Variants in EFCAB8 observed in about 807,000 individuals in gnomAD.
The protein encoded by EFCAB8 is EF-hand calcium binding domain 8.
EFCAB8 carries 100 observed loss-of-function variants against 116.3 expected under a neutral mutation model. That is an observed-to-expected ratio of 0.86 (90% CI 0.73 to 1.02). EFCAB8 has a LOEUF of 1.02. Ranked by LOEUF, EFCAB8 falls within the 50% of genes least tolerant of loss-of-function variation. The probability of loss-of-function intolerance (pLI) is 0.00; values close to 1 mark genes in which losing one functional copy is unlikely to be tolerated. For synonymous variants in EFCAB8, 558 were observed against 567.9 expected (o/e 0.98, Z 0.25); for missense variants, 1,320 against 1,416.9 (o/e 0.93, Z 1.10).
At chr20:32,917,228 TC>T in intron 17 of EFCAB8, 72 bp from the exon 18 acceptor site, 1 of 1,225,960 alleles carries the variant, frequency 8.2e-7, no homozygotes, top group Non-Finnish European at 1.2e-6. Flanking sequence ...TCCTCAAGGC[TC>T]CAGTGCTTCC....
intron 23 of EFCAB8, among the ~76,000 whole-genome samples, chr20:32,948,021 A>C (rs1266889896): frequency 6.6e-6 from 1 of 152,152 alleles, no homozygotes; most frequent in Non-Finnish European, 1.5e-5. Context: ...AGTAAAAAAT[A>C]ATAAGGAAAA....
At chr20:32,901,770 C>A (rs1267769922) in intron 11 of EFCAB8, among the ~76,000 whole-genome samples, 1 of 152,246 alleles carries the variant, frequency 6.6e-6, no homozygotes, top group East Asian at 1.9e-4. Flanking sequence ...TCACTGCAAC[C>A]TCCACCTCCC....
At chr20:32,893,132 C>T (rs2377733) in intron 8 of EFCAB8, 42 bp from the exon 9 acceptor site, 595,462 of 1,548,316 alleles carry the variant, frequency 0.38, 121,778 homozygotes, top group Middle Eastern at 0.49. Flanking sequence ...TGAGCCACCG[C>T]GCCCAGCCCA....
chr20:32,941,235 A>G (rs753171689), intron 22 of EFCAB8, among the ~76,000 whole-genome samples: 6 of 148,836 alleles, frequency 4.0e-5, no homozygotes, highest in Non-Finnish European at 8.9e-5. Flanking sequence ...CTGGGCAACA[A>G]GAGCAAAACT....
intron 11 of EFCAB8, among the ~76,000 whole-genome samples, chr20:32,905,703 T>C (rs1300349292): frequency 4.4e-5 from 6 of 135,336 alleles, no homozygotes; most frequent in African/African-American, 1.7e-4. Flanking sequence ...GAGGTTGCAG[T>C]GAGCCAAGAT....
chr20:32,950,020 A>T (rs55888348), intron 23 of EFCAB8, among the ~76,000 whole-genome samples: 1 of 55,490 alleles, frequency 1.8e-5, no homozygotes, highest in Non-Finnish European at 3.8e-5. Flanking sequence ...AAAACAACAA[A>T]ACAACAACAA....
chr20:32,903,383 G>A (rs1327248534), intron 11 of EFCAB8: 1 of 152,334 alleles, frequency 6.6e-6, no homozygotes, highest in Non-Finnish European at 1.5e-5. Flanking sequence ...GTCCCTTGCA[G>A]GACTCGCCAT....
chr20:32,946,061 C>T (rs1988586862), intron 23 of EFCAB8, among the ~76,000 whole-genome samples: 1 of 152,210 alleles, frequency 6.6e-6, no homozygotes, highest in Non-Finnish European at 1.5e-5. Context: ...AATCTGCCTC[C>T]TCAAGGAGAA....
chr20:32,908,065 C>A (rs1034072631), intron 13 of EFCAB8, among the ~76,000 whole-genome samples: 6 of 152,174 alleles, frequency 3.9e-5, no homozygotes, highest in Non-Finnish European at 8.8e-5. Flanking sequence ...TGTGCCCGGC[C>A]CTCACTCACT....
At chr20:32,859,694 GTTAC>G (rs2146152816) in intron 1 of EFCAB8, among the ~76,000 whole-genome samples, 1 of 151,772 alleles carries the variant, frequency 6.6e-6, no homozygotes, top group South Asian at 2.1e-4. Context: ...TATTATACAT[GTTAC>G]TTGTTAAACC....
chr20:32,903,172 C>A (rs541508145), intron 11 of EFCAB8, among the ~76,000 whole-genome samples: 2 of 152,228 alleles, frequency 1.3e-5, no homozygotes, highest in African/African-American at 4.8e-5. Flanking sequence ...CCTCTCATGC[C>A]CTCTCCTCCT....
chr20:32,922,755 A>T (rs1987510089), intron 20 of EFCAB8, among the ~76,000 whole-genome samples: 1 of 152,158 alleles, frequency 6.6e-6, no homozygotes, highest in Admixed American at 6.6e-5. Context: ...GCAGGCAGAG[A>T]AGGTAGGTGC....
intron 5 of EFCAB8, among the ~76,000 whole-genome samples, chr20:32,880,362 G>A (rs1037367434): frequency 2.0e-5 from 3 of 151,600 alleles, no homozygotes; most frequent in Admixed American, 6.6e-5. Context: ...TCCGCCCCCC[G>A]GGTTCAAGCG....
chr20:32,913,299 G>T (rs1252187698), intron 17 of EFCAB8, among the ~76,000 whole-genome samples: 2 of 152,162 alleles, frequency 1.3e-5, no homozygotes, highest in African/African-American at 4.8e-5. Context: ...ATAGACAGCT[G>T]TCTTCTTACT....
chr20:32,943,412 G>A (rs1050649144), intron 22 of EFCAB8, among the ~76,000 whole-genome samples: 11 of 152,322 alleles, frequency 7.2e-5, no homozygotes, highest in African/African-American at 2.6e-4. Flanking sequence ...GTAAATGCAA[G>A]TTCTTTTTAT....
chr20:32,943,971 A>G (rs570018258), intron 23 of EFCAB8, among the ~76,000 whole-genome samples, 167 bp downstream of exon 23: 26 of 152,302 alleles, frequency 1.7e-4, no homozygotes, highest in African/African-American at 6.0e-4. Flanking sequence ...CCATTCAGCA[A>G]ACGGTCCATC....
At chr20:32,918,729 AG>A (rs1987319000) in intron 19 of EFCAB8, among the ~76,000 whole-genome samples, 155 bp downstream of exon 19, 1 of 152,198 alleles carries the variant, frequency 6.6e-6, no homozygotes, top group Non-Finnish European at 1.5e-5. Flanking sequence ...GGGCCTGGGC[AG>A]GGCACCCTCT....
rs1024199270 is a variant in EFCAB8, at chr20:32,885,399, C to T, written c.432-106C>T. 1.9e-5 allele frequency: 27 copies of T among 1,454,562 alleles called. No individual in the cohort carries two copies. In the East Asian group the frequency reaches 2.7e-4, roughly 15 times the overall value. 90.1% of individuals were successfully genotyped at this position (1,454,562 alleles called of 1,614,324 possible). A position where few individuals can be genotyped will look rare whatever the true frequency, so the allele number is the denominator to read the frequency against. On this transcript the variant is annotated intron_variant, in intron 5 of 26. Coordinates refer to ENST00000400522, the MANE Select transcript of EFCAB8 (RefSeq NM_001143967.2). ...ATGTGCGTGCGTGTGCGTGACGCTC[C>T]GCCGGCTTTTGTCCCTCCTCCTCGG...
chr20:32,876,497 G>A (rs1237170828), intron 4 of EFCAB8, among the ~76,000 whole-genome samples: 3 of 152,178 alleles, frequency 2.0e-5, no homozygotes, highest in African/African-American at 2.4e-5. Flanking sequence ...CTAAACGTTC[G>A]ACAATGGGAA....
Sources: gnomAD v4.1 joint callset for allele counts (sites outside exome capture counted in the v4.1 genomes callset) on GRCh38, gnomAD v4.1.1 for gene constraint, MANE v1.5 for transcripts, NCBI Gene and HGNC (gene_info 2026-07-23, HGNC 2026-07-21) for gene names.